ARID5B: variants seen among roughly 807,000 people sequenced by gnomAD.
The protein encoded by ARID5B is AT-rich interaction domain 5B, also known as AT-rich interactive domain-containing protein 5B.
In ARID5B, 13 loss-of-function variants were observed where a neutral mutation model predicts 97.2. The ratio of observed to expected loss-of-function variants is 0.13; its 90% CI spans 0.09 to 0.21. ARID5B has a LOEUF of 0.21. Ranked by LOEUF, ARID5B falls within the 10% of genes least tolerant of loss-of-function variation. The pLI, the probability that ARID5B is intolerant of heterozygous loss-of-function variation, is 1.00. For synonymous variants in ARID5B, 556 were observed against 570.3 expected (o/e 0.97, Z 0.36); for missense variants, 1,210 against 1,465.3 (o/e 0.83, Z 2.84).
chr10:61,968,762 C>T (rs886206359), intron 3 of ARID5B, among the ~76,000 whole-genome samples: 4 of 152,240 alleles, frequency 2.6e-5, no homozygotes, highest in East Asian at 3.9e-4. Flanking sequence ...ATCTTTTAGG[C>T]ATTGTCTGAA....
intron 3 of ARID5B, among the ~76,000 whole-genome samples, chr10:61,954,174 A>G (rs939227725): frequency 1.3e-5 from 2 of 152,088 alleles, no homozygotes; most frequent in African/African-American, 4.8e-5. Context: ...CCTGACCAAC[A>G]TGGAGAAACC....
intron 4 of ARID5B, chr10:62,046,822 G>A (rs1839714261): frequency 1.3e-5 from 2 of 151,930 alleles, no homozygotes; most frequent in South Asian, 2.1e-4. Flanking sequence ...CTACTGCTGG[G>A]TCAAGACTAA....
At chr10:61,995,335 G>A (rs937865006) in intron 3 of ARID5B, among the ~76,000 whole-genome samples, 1 of 152,208 alleles carries the variant, frequency 6.6e-6, no homozygotes, top group African/African-American at 2.4e-5. Flanking sequence ...CTTTGCACAG[G>A]AGTGTTTACT....
chr10:62,068,713 T>C (rs1231965125), intron 7 of ARID5B, among the ~76,000 whole-genome samples: 1 of 152,022 alleles, frequency 6.6e-6, no homozygotes, highest in East Asian at 1.9e-4. Flanking sequence ...TGTTGAGAAA[T>C]GTTCACGAGG....
At chr10:62,080,860 T>A (rs1190291323) in intron 8 of ARID5B, among the ~76,000 whole-genome samples, 5 of 152,034 alleles carry the variant, frequency 3.3e-5, no homozygotes, top group Admixed American at 2.6e-4. Flanking sequence ...TCTCACTCTG[T>A]CACCCAGGCT....
At chr10:62,061,120 G>C (rs1839915945) in intron 7 of ARID5B, among the ~76,000 whole-genome samples, 2 of 152,184 alleles carry the variant, frequency 1.3e-5, no homozygotes, top group South Asian at 4.1e-4. Context: ...ACTGTTAGAT[G>C]CAAGGTTTCA....
At chr10:61,964,991 A>G (rs1838522705) in intron 3 of ARID5B, among the ~76,000 whole-genome samples, 1 of 152,220 alleles carries the variant, frequency 6.6e-6, no homozygotes, top group Non-Finnish European at 1.5e-5. Flanking sequence ...AAGCCTAGAT[A>G]TACTTTAACT....
Position 62,092,051 on chromosome 10 carries a change from G to T in ARID5B, c.2588G>T (p.Arg863Met). The change falls in exon 10 of 10, where the codon AGG becomes ATG. Residue 863 changes from arginine (R) to methionine (M), a missense_variant. By Grantham distance (91) the Arg-to-Met change is moderately conservative (BLOSUM62 -1). Around this residue, in one of 8 missense-constraint regions of ARID5B, gnomAD observed 800 missense variants for 839.1 expected, o/e 0.95. Transcript: ENST00000279873. ...TSKYPSRDMYRESENSSFPSH... is the reference protein window; with the variant it reads ...TSKYPSRDMYMESENSSFPSH... Reference sequence around the variant, plus strand: ...AAATACCCTTCCAGGGACATGTACAGGGAATCGGAAAACAGTTCTTTTCCT... The same window carrying T: ...AAATACCCTTCCAGGGACATGTACATGGAATCGGAAAACAGTTCTTTTCCT... 2 of 1,614,078 alleles carry T rather than the reference G, an allele frequency of 1.2e-6. No individual in the cohort carries two copies. The highest frequency in any genetic ancestry group is 8.5e-7 in the Non-Finnish European group (1 of 1,179,996).
In ARID5B at chr10:62,087,569, C is replaced by T. The variant is rs376360134; in HGVS notation, c.1398+1669C>T. ...AAAACTGAGCAGCCACATTTGGAGACAGCATGTTCTAGGATTCAACCCCAG... is the reference window on the plus strand; with the variant it reads ...AAAACTGAGCAGCCACATTTGGAGATAGCATGTTCTAGGATTCAACCCCAG... On this transcript the variant is annotated intron_variant, in intron 9 of 9. Transcript: ENST00000279873. Among the ~76,000 whole-genome samples, 26 of 149,842 alleles carry T rather than the reference C, an allele frequency of 1.7e-4. No homozygotes were observed. The East Asian group carries it at 3.3e-3, about 19-fold the overall frequency.
intron 3 of ARID5B, among the ~76,000 whole-genome samples, chr10:61,941,884 T>G (rs554911673): frequency 1.3e-5 from 2 of 152,230 alleles, no homozygotes; most frequent in Non-Finnish European, 2.9e-5. Flanking sequence ...GAACACACAA[T>G]AACTAGTCTT....
chr10:62,045,447 A>ATT (rs5785508), intron 4 of ARID5B, among the ~76,000 whole-genome samples: 15 of 139,636 alleles, frequency 1.1e-4, no homozygotes, highest in Non-Finnish European at 2.0e-4. Context: ...TTGCCAGGGT[A>ATT]TTTTTTTTTT....
rs151219827 is a variant in ARID5B at position 62,092,265 on chromosome 10, C to T, written c.2802C>T (p.Ser934=). ...LAHSTTGPQE[S]KGISQFQVLG... ...ATTCCACCACAGGGCCCCAGGAGAG[C>T]AAAGGCATCTCCCAGTTCCAGGTCT... Residue 934 remains serine, a synonymous_variant, in exon 10 of 10, where the codon AGC becomes AGT. Coordinates refer to ENST00000279873, the MANE Select transcript of ARID5B (RefSeq NM_032199.3). 1.6e-5 allele frequency: 25 copies of T among 1,606,684 alleles called. No individual in the cohort carries two copies. The highest frequency in any genetic ancestry group is 1.8e-5 in the Non-Finnish European group (21 of 1,177,020).
chr10:62,068,996 T>G (rs1840028353), intron 7 of ARID5B, among the ~76,000 whole-genome samples: 1 of 152,220 alleles, frequency 6.6e-6, no homozygotes, highest in Non-Finnish European at 1.5e-5. Context: ...TTAGTTTTCA[T>G]ATGATTTGAT....
At chr10:61,978,617 A>T (rs1838733720) in intron 3 of ARID5B, among the ~76,000 whole-genome samples, 1 of 152,040 alleles carries the variant, frequency 6.6e-6, no homozygotes, top group Non-Finnish European at 1.5e-5. Flanking sequence ...ATTCTCTTTG[A>T]AGCAATTGTG....
chr10:62,039,722 G>A (rs1004116533), intron 4 of ARID5B, among the ~76,000 whole-genome samples: 1 of 152,242 alleles, frequency 6.6e-6, no homozygotes, highest in Admixed American at 6.5e-5. Flanking sequence ...ATTGCGGAAA[G>A]AATGTTTCTC....
At chr10:62,013,021 A>G (rs1002967403) in intron 4 of ARID5B, among the ~76,000 whole-genome samples, 1 of 152,224 alleles carries the variant, frequency 6.6e-6, no homozygotes, top group Non-Finnish European at 1.5e-5. Context: ...TCTTATTGCC[A>G]AGATTATTTT....
chr10:62,052,764 T>G (rs1201071610), intron 5 of ARID5B, among the ~76,000 whole-genome samples: 1 of 152,216 alleles, frequency 6.6e-6, no homozygotes, highest in African/African-American at 2.4e-5. Context: ...GTTTTCTAAG[T>G]GACGCCTTTA....
At chr10:61,916,036 G>T (rs1020539366) in intron 2 of ARID5B, among the ~76,000 whole-genome samples, 1 of 151,764 alleles carries the variant, frequency 6.6e-6, no homozygotes, top group Non-Finnish European at 1.5e-5. Context: ...GATTACAGGC[G>T]TGAGCCACCG....
chr10:61,923,698 A>G (rs994667087), intron 2 of ARID5B, among the ~76,000 whole-genome samples: 6 of 152,208 alleles, frequency 3.9e-5, no homozygotes, highest in Non-Finnish European at 7.3e-5. Context: ...AACACTGAAG[A>G]TGAAAGAGTG....
Sources: allele counts gnomAD v4.1 joint callset (sites outside exome capture counted in the v4.1 genomes callset), GRCh38; gene constraint gnomAD v4.1.1; regional missense constraint gnomAD v4.1.1; transcripts MANE v1.5; gene names NCBI Gene and HGNC (gene_info 2026-07-23, HGNC 2026-07-21).